Variants in LINGO2 observed in about 807,000 individuals in gnomAD.
LINGO2 encodes the protein leucine rich repeat and Ig domain containing 2.
A neutral mutation model predicts 30.6 loss-of-function variants in LINGO2; 14 were observed. The observed-to-expected ratio is 0.46, with a 90% CI of 0.30 to 0.72. The LOEUF (loss-of-function observed/expected upper bound fraction) is 0.72. Ranked by LOEUF, LINGO2 falls within the 30% of genes least tolerant of loss-of-function variation. The pLI is 0.07. For synonymous variants in LINGO2, 317 were observed against 288.5 expected, an observed-to-expected ratio of 1.10 and a Z score of -1.00; for missense variants, 729 against 751.7, an observed-to-expected ratio of 0.97 and a Z score of 0.35.
intron 2 of LINGO2, among the ~76,000 whole-genome samples, chr9:28,434,640 C>T (rs1238813865): frequency 8.6e-5 from 13 of 151,946 alleles, no homozygotes; most frequent in Admixed American, 8.5e-4. Flanking sequence ...ATTCGCCATA[C>T]ATTCGTTATT....
chr9:29,120,796 T>C, the LINGO2 span, among the ~76,000 whole-genome samples: 1 of 152,202 alleles, frequency 6.6e-6, no homozygotes, highest in African/African-American at 2.4e-5. Flanking sequence ...AACTTTAATG[T>C]TCTAAGCTTT....
At chr9:29,133,042 A>C in the LINGO2 span, among the ~76,000 whole-genome samples, 1 of 152,092 alleles carries the variant, frequency 6.6e-6, no homozygotes. Flanking sequence ...TATTTAACAA[A>C]TTGACTATGT....
intron 2 of LINGO2, among the ~76,000 whole-genome samples, chr9:28,405,838 G>A (rs1018730488): frequency 2.0e-4 from 31 of 151,846 alleles, no homozygotes; most frequent in African/African-American, 7.0e-4. Context: ...ATATGACTCC[G>A]TTTTTCTTCC....
chr9:28,516,211 C>T (rs748824324), intron 1 of LINGO2, among the ~76,000 whole-genome samples: 2 of 152,038 alleles, frequency 1.3e-5, no homozygotes, highest in African/African-American at 4.8e-5. Flanking sequence ...ATTGTGTTGT[C>T]CCAGAACTGA....
chr9:29,154,731 T>G, the LINGO2 span, among the ~76,000 whole-genome samples: 1 of 152,352 alleles, frequency 6.6e-6, no homozygotes, highest in Non-Finnish European at 1.5e-5. Context: ...CAGCTTTATC[T>G]GCTCCTAACT....
intron 4 of LINGO2, among the ~76,000 whole-genome samples, chr9:28,248,164 A>G (rs1822069761): frequency 6.6e-6 from 1 of 152,218 alleles, no homozygotes; most frequent in African/African-American, 2.4e-5. Flanking sequence ...TCCTATGTTT[A>G]TCACAGCACT....
intron 3 of LINGO2, among the ~76,000 whole-genome samples, chr9:28,314,470 C>T (rs989104627): frequency 2.6e-5 from 4 of 152,114 alleles, no homozygotes; most frequent in African/African-American, 9.7e-5. Flanking sequence ...CCTGTTCCTT[C>T]TTCAAGAAAT....
At chr9:28,987,077 T>G in the LINGO2 span, among the ~76,000 whole-genome samples, 1 of 150,158 alleles carries the variant, frequency 6.7e-6, no homozygotes, top group Non-Finnish European at 1.5e-5. Context: ...AACAGGTTTT[T>G]TTTTTTTTTT....
chr9:28,261,805 T>A (rs1186654038), intron 4 of LINGO2, among the ~76,000 whole-genome samples: 1 of 151,980 alleles, frequency 6.6e-6, no homozygotes, highest in African/African-American at 2.4e-5. Context: ...GAATTTCATA[T>A]GTTAAGCTGT....
chr9:28,904,368 C>CA, the LINGO2 span, among the ~76,000 whole-genome samples: 64 of 151,924 alleles, frequency 4.2e-4, no homozygotes, highest in South Asian at 0.012. Flanking sequence ...GAACAATTAG[C>CA]AAGAGAAAGA....
chr9:29,111,502 C>A, the LINGO2 span, among the ~76,000 whole-genome samples: 1 of 151,670 alleles, frequency 6.6e-6, no homozygotes, highest in Non-Finnish European at 1.5e-5. Context: ...AATATATATA[C>A]ACACACATAT....
upstream of LINGO2, among the ~76,000 whole-genome samples, chr9:28,671,001 TCC>T (rs1371398149): frequency 6.6e-6 from 1 of 152,180 alleles, no homozygotes; most frequent in Non-Finnish European, 1.5e-5. Flanking sequence ...CATTATTTTC[TCC>T]CATCTACTTG....
intron 4 of LINGO2, among the ~76,000 whole-genome samples, chr9:28,020,548 A>G (rs1407293872): frequency 7.1e-6 from 1 of 141,574 alleles, no homozygotes; most frequent in Non-Finnish European, 1.5e-5. Flanking sequence ...AAACAAAACA[A>G]AACAAAACAA....
At chr9:29,092,680 A>G in the LINGO2 span, among the ~76,000 whole-genome samples, 1 of 125,344 alleles carries the variant, frequency 8.0e-6, no homozygotes, top group African/African-American at 3.0e-5. Context: ...TTTTCTTAAC[A>G]AAGACTGCCA....
chr9:28,455,150 C>T (rs1043559859), intron 2 of LINGO2, among the ~76,000 whole-genome samples: 3 of 151,630 alleles, frequency 2.0e-5, no homozygotes, highest in Admixed American at 6.6e-5. Context: ...TCATGCTTAC[C>T]ACATAGAATA....
chr9:28,754,687 G>A, the LINGO2 span, among the ~76,000 whole-genome samples: 8,848 of 151,068 alleles, frequency 0.059, 317 homozygotes, highest in East Asian at 0.15. Context: ...CTGGAGTGCA[G>A]TAATGTGATC....
chr9:28,740,347 T>C, the LINGO2 span, among the ~76,000 whole-genome samples: 4 of 151,922 alleles, frequency 2.6e-5, no homozygotes, highest in South Asian at 2.1e-4. Context: ...AAAAATTGTA[T>C]TGAAATATCC....
the LINGO2 span, among the ~76,000 whole-genome samples, chr9:28,785,231 A>G: frequency 6.6e-6 from 1 of 152,300 alleles, no homozygotes; most frequent in Non-Finnish European, 1.5e-5. Flanking sequence ...TACATTATGA[A>G]GAGTCTTGAG....
chr9:28,409,772 T>G (rs2134801410), intron 2 of LINGO2, among the ~76,000 whole-genome samples: 1 of 152,030 alleles, frequency 6.6e-6, no homozygotes, highest in South Asian at 2.1e-4. Context: ...TCACAGTCAT[T>G]GCATATTAGA....
Sources: gnomAD v4.1 joint callset for allele counts (sites outside exome capture counted in the v4.1 genomes callset) on GRCh38, gnomAD v4.1.1 for gene constraint, MANE v1.5 for transcripts, NCBI Gene and HGNC (gene_info 2026-07-23, HGNC 2026-07-21) for gene names.